Variants in METTL16 observed in about 807,000 individuals in gnomAD.
METTL16 encodes methyltransferase 16, RNA N6-adenosine, also known as RNA N(6)-adenosine-methyltransferase METTL16.
Under a neutral mutation model 57.9 loss-of-function variants are expected in METTL16, and 19 were observed. That is an observed-to-expected ratio of 0.33 (90% CI 0.23 to 0.48). METTL16 has a LOEUF of 0.48. Among genes scored for constraint, METTL16 ranks in the 20% least tolerant of loss-of-function variants. The probability of loss-of-function intolerance (pLI) is 0.99; values close to 1 mark genes in which losing one functional copy is unlikely to be tolerated. For missense variants in METTL16, 434 were observed against 691.5 expected (o/e 0.63, Z 4.18); for synonymous variants, 246 against 255.6 (o/e 0.96, Z 0.36).
At chr17:2,462,879 A>G (rs1255959459) in intron 6 of METTL16, among the ~76,000 whole-genome samples, 4 of 152,184 alleles carry the variant, frequency 2.6e-5, no homozygotes, top group Non-Finnish European at 5.9e-5. Flanking sequence ...AATAATAATA[A>G]TAAATAAAAC....
chr17:2,465,568 A>AT (rs2067187678), intron 5 of METTL16, among the ~76,000 whole-genome samples: 2 of 150,140 alleles, frequency 1.3e-5, no homozygotes, highest in Admixed American at 1.3e-4. Context: ...AAAAAAAAAA[A>AT]AAAGACAGAT....
intron 6 of METTL16, among the ~76,000 whole-genome samples, chr17:2,451,194 T>C (rs895358438): frequency 6.6e-6 from 1 of 152,324 alleles, no homozygotes; most frequent in Admixed American, 6.5e-5. Flanking sequence ...GCAATCCTTT[T>C]TCCCTTTGAA....
intron 4 of METTL16, among the ~76,000 whole-genome samples, chr17:2,472,485 C>T (rs536390641): frequency 6.6e-5 from 10 of 152,226 alleles, no homozygotes; most frequent in South Asian, 2.1e-4. Context: ...GAAAAAGCTG[C>T]GCACAGATGT....
chr17:2,497,505 G>A (rs2067455351), intron 2 of METTL16, among the ~76,000 whole-genome samples: 1 of 150,698 alleles, frequency 6.6e-6, no homozygotes, highest in Non-Finnish European at 1.5e-5. Context: ...CAGAGAAGGG[G>A]TCTCTCCATG....
chr17:2,484,970 G>A (rs184923739), intron 2 of METTL16, among the ~76,000 whole-genome samples: 155 of 152,258 alleles, frequency 1.0e-3, no homozygotes, highest in Non-Finnish European at 1.5e-3. Flanking sequence ...AGGCTAATGG[G>A]CCGCACCCTC....
At chr17:2,449,005 G>A (rs1328805289) in intron 6 of METTL16, among the ~76,000 whole-genome samples, 1 of 144,180 alleles carries the variant, frequency 6.9e-6, no homozygotes, top group Non-Finnish European at 1.5e-5. Context: ...CCAGCCTAGT[G>A]ACAGAGCAAG....
intron 1 of METTL16, among the ~76,000 whole-genome samples, chr17:2,509,893 C>G (rs1597478361): frequency 7.4e-6 from 1 of 134,980 alleles, no homozygotes; most frequent in East Asian, 2.1e-4. Context: ...AGCCTGGTGA[C>G]AGAGCAACAC....
intron 6 of METTL16, among the ~76,000 whole-genome samples, chr17:2,456,533 G>A (rs570175705): frequency 1.4e-4 from 21 of 152,310 alleles, no homozygotes; most frequent in Non-Finnish European, 2.8e-4. Flanking sequence ...GGAGTGCAAT[G>A]GTGTGATCAT....
intron 2 of METTL16, among the ~76,000 whole-genome samples, chr17:2,492,153 G>A (rs937632908): frequency 6.6e-6 from 1 of 151,930 alleles, no homozygotes; most frequent in South Asian, 2.1e-4. Context: ...GGAGCTTGCA[G>A]TGAGCCGAGA....
chr17:2,497,683 C>A (rs1257480031), intron 2 of METTL16, among the ~76,000 whole-genome samples: 1 of 151,456 alleles, frequency 6.6e-6, no homozygotes, highest in African/African-American at 2.4e-5. Flanking sequence ...TTGCCAGGTA[C>A]CTTTAGATAT....
intron 6 of METTL16, among the ~76,000 whole-genome samples, chr17:2,450,574 G>A (rs898533611): frequency 6.6e-6 from 1 of 152,140 alleles, no homozygotes; most frequent in Non-Finnish European, 1.5e-5. Flanking sequence ...ACGACTGACT[G>A]AAATATATAA....
chr17:2,492,101 C>G (rs1421647596), intron 2 of METTL16, among the ~76,000 whole-genome samples: 1 of 151,182 alleles, frequency 6.6e-6, no homozygotes, highest in Non-Finnish European at 1.5e-5. Context: ...GTCCCAGCTA[C>G]TCGGGAGGCT....
At chr17:2,473,222 G>A (rs1162157432) in intron 4 of METTL16, among the ~76,000 whole-genome samples, 1 of 151,854 alleles carries the variant, frequency 6.6e-6, no homozygotes, top group African/African-American at 2.4e-5. Flanking sequence ...GTTTCTAAGG[G>A]GTTATAGCGA....
chr17:2,466,193 C>CAAAAAAAAAAAAAAAAAAAAACAAAAAA (rs35300433), intron 5 of METTL16, among the ~76,000 whole-genome samples: 1 of 103,900 alleles, frequency 9.6e-6, no homozygotes, highest in Non-Finnish European at 2.2e-5. Context: ...GACTCTGTCA[C>CAAAAAAAAAAAAAAAAAAAAACAAAAAA]AAAAAAAAAA....
At chr17:2,439,008 T>C (rs2066928111) in intron 7 of METTL16, among the ~76,000 whole-genome samples, 1 of 152,194 alleles carries the variant, frequency 6.6e-6, no homozygotes, top group African/African-American at 2.4e-5. Context: ...CTCCTCCCAC[T>C]GGCTTGCATC....
At chr17:2,501,224 T>C (rs1305447356) in intron 2 of METTL16, among the ~76,000 whole-genome samples, 4 of 152,142 alleles carry the variant, frequency 2.6e-5, no homozygotes, top group African/African-American at 9.7e-5. Flanking sequence ...ATCTAGGCGT[T>C]TGAGACCAGC....
At chr17:2,508,678 C>T in intron 1 of METTL16, among the ~76,000 whole-genome samples, 1 of 152,128 alleles carries the variant, frequency 6.6e-6, no homozygotes, top group Non-Finnish European at 1.5e-5. Context: ...TTCATAAACA[C>T]TCTTGCCCTC....
In METTL16 at chr17:2,447,308, C is replaced by T. The variant is rs535036143; in HGVS notation, c.729-5749G>A. On this transcript the variant is annotated intron_variant, in intron 6 of 9. Coordinates refer to ENST00000263092, the MANE Select transcript of METTL16 (RefSeq NM_024086.4). ...GAGGTGAGGAGCGTCTCTGCCCGGCCGCCCCGTCTGAGAAGTGAGGAAACC... is the reference window on the plus strand; with the variant it reads ...GAGGTGAGGAGCGTCTCTGCCCGGCTGCCCCGTCTGAGAAGTGAGGAAACC... Among the ~76,000 whole-genome samples the T allele has an allele frequency of 1.9e-4, 27 of 144,200 alleles. No homozygotes were observed. The South Asian group carries it at 2.9e-3, about 15-fold the overall frequency. 94.6% of individuals were successfully genotyped at this position (144,200 alleles called of 152,430 possible).
chr17:2,422,121 G>A (rs1397384599), intron 8 of METTL16, among the ~76,000 whole-genome samples: 1 of 152,024 alleles, frequency 6.6e-6, no homozygotes, highest in Non-Finnish European at 1.5e-5. Flanking sequence ...AGACCATCCT[G>A]GCCCACATGG....
Sources: gnomAD v4.1 joint callset for allele counts (sites outside exome capture counted in the v4.1 genomes callset) on GRCh38, gnomAD v4.1.1 for gene constraint, MANE v1.5 for transcripts, NCBI Gene and HGNC (gene_info 2026-07-23, HGNC 2026-07-21) for gene names.